Variants in TET1 observed in about 807,000 individuals in gnomAD.
TET1 encodes the protein methylcytosine dioxygenase TET1.
Under a neutral mutation model 148.7 loss-of-function variants are expected in TET1, and 13 were observed. The ratio of observed to expected loss-of-function variants is 0.09; its 90% CI spans 0.06 to 0.14. The LOEUF (loss-of-function observed/expected upper bound fraction) is 0.14. Ranked by LOEUF, TET1 falls within the 10% of genes least tolerant of loss-of-function variation. The probability of loss-of-function intolerance (pLI) is 1.00; values close to 1 mark genes in which losing one functional copy is unlikely to be tolerated. For synonymous variants in TET1, 907 were observed against 937.2 expected (o/e 0.97, Z 0.59); for missense variants, 2,182 against 2,553.8 (o/e 0.85, Z 3.14).
intron 7 of TET1, among the ~76,000 whole-genome samples, chr10:68,669,474 CTTTTTTTTT>C (rs3085667): frequency 1.6e-5 from 1 of 61,604 alleles, no homozygotes; most frequent in African/African-American, 6.3e-5. Context: ...CCATGCCCAG[CTTTTTTTTT>C]TTTTTTTTTG....
Position 68,572,375 on chromosome 10 carries a change from G to A in TET1, c.37G>A (p.Val13Ile), listed in dbSNP as rs745543859. 4.4e-6 allele frequency: 7 copies of A among 1,608,740 alleles called. No homozygotes were observed. The highest frequency in any genetic ancestry group is 5.9e-6 in the Non-Finnish European group (7 of 1,178,792). ...RSRHARPSRL[V>I]RKEDVNKKKK... Reference sequence around the variant, plus strand: ...CCGCCATGCAAGGCCTTCCAGATTAGTCAGGAAGGAAGATGTAAACAAAAA... The same window carrying A: ...CCGCCATGCAAGGCCTTCCAGATTAATCAGGAAGGAAGATGTAAACAAAAA... The change falls in exon 2 of 12, where the codon GTC becomes ATC. Residue 13 changes from valine (V) to isoleucine (I), a missense_variant. Val to Ile is a conservative substitution (Grantham distance 29, BLOSUM62 3). This residue lies in a region of TET1 where 665 missense variants were observed against 672.4 expected (regional missense o/e 0.99). Transcript: ENST00000373644.
intron 6 of TET1, among the ~76,000 whole-genome samples, chr10:68,653,230 A>G (rs1200218983): frequency 1.3e-5 from 2 of 152,098 alleles, no homozygotes; most frequent in Non-Finnish European, 2.9e-5. Context: ...AGCTATGTAC[A>G]CTTCTCCAGA....
chr10:68,613,443 G>A (rs2054245775), intron 3 of TET1, among the ~76,000 whole-genome samples: 1 of 152,172 alleles, frequency 6.6e-6, no homozygotes, highest in African/African-American at 2.4e-5. Context: ...ACTGTCCAAA[G>A]TTCCTAATTA....
chr10:68,652,008 A>T, intron 5 of TET1, 72 bp downstream of exon 5: 1 of 1,354,094 alleles, frequency 7.4e-7, no homozygotes, highest in South Asian at 1.3e-5. Context: ...AATCATCTCT[A>T]AGAACAAACG....
chr10:68,632,576 T>C, intron 3 of TET1: 1 of 1,602,342 alleles, frequency 6.2e-7, no homozygotes. Context: ...TTTATCTTGG[T>C]GACTTTGGGA....
At chr10:68,599,527 G>A (rs1395214502) in intron 2 of TET1, among the ~76,000 whole-genome samples, 1 of 152,232 alleles carries the variant, frequency 6.6e-6, no homozygotes, top group African/African-American at 2.4e-5. Flanking sequence ...GCAGGTGCTA[G>A]CTGTGGTGCC....
intron 3 of TET1, among the ~76,000 whole-genome samples, chr10:68,611,841 TG>T (rs1308776548): frequency 2.0e-3 from 21 of 10,336 alleles, no homozygotes; most frequent in East Asian, 9.4e-3. Context: ...GCTCGGGAGG[TG>T]GGGGGGGTGG....
At chr10:68,635,621 G>A (rs563665842) in intron 3 of TET1, among the ~76,000 whole-genome samples, 1 of 152,262 alleles carries the variant, frequency 6.6e-6, no homozygotes, top group South Asian at 2.1e-4. Context: ...ACCAGAGTTG[G>A]TTATTAACCT....
At chr10:68,607,069 T>C (rs893584375) in intron 3 of TET1, among the ~76,000 whole-genome samples, 1 of 152,036 alleles carries the variant, frequency 6.6e-6, no homozygotes, top group Non-Finnish European at 1.5e-5. Context: ...TCAAGACTCA[T>C]GTCCATTCTG....
chr10:68,651,379 A>G (rs1428254878), intron 4 of TET1, among the ~76,000 whole-genome samples: 1 of 151,894 alleles, frequency 6.6e-6, no homozygotes, highest in Admixed American at 6.6e-5. Flanking sequence ...TGAACCCGGG[A>G]GGCGGAGCTT....
At position 68,693,428 on chromosome 10, in the gene TET1, T is replaced by A; in HGVS notation, c.*1614T>A. The A allele has an allele frequency of 4.3e-6, 1 of 233,344 alleles. No individual in the cohort carries two copies. Among genetic ancestry groups the A allele is most frequent in the Non-Finnish European group, 8.5e-6 (1 of 117,904 alleles). 14.5% of individuals were successfully genotyped at this position (233,344 alleles called of 1,614,324 possible). Reference sequence around the variant, plus strand: ...ACAATTTTGGTGCAAAAGCAAACAGTTCCAGCAGGCTCTCTAAAGAAAAAC... The same window carrying A: ...ACAATTTTGGTGCAAAAGCAAACAGATCCAGCAGGCTCTCTAAAGAAAAAC... On this transcript the variant is annotated 3_prime_UTR_variant, in exon 12 of 12. Coordinates refer to ENST00000373644, the MANE Select transcript of TET1 (RefSeq NM_030625.3).
chr10:68,583,843 G>C (rs916677014), intron 2 of TET1, among the ~76,000 whole-genome samples: 1 of 151,748 alleles, frequency 6.6e-6, no homozygotes, highest in Admixed American at 6.6e-5. Flanking sequence ...CCTGGGAGGC[G>C]GAGGTTGCAG....
chr10:68,668,721 A>G (rs1179402726), intron 7 of TET1, among the ~76,000 whole-genome samples: 2 of 152,214 alleles, frequency 1.3e-5, no homozygotes, highest in Admixed American at 1.3e-4. Flanking sequence ...CTGGGACTAC[A>G]GGCATGCGCT....
rs1352920213 is a variant in TET1, at chr10:68,645,093, C to T, written c.2364C>T (p.Asn788=). ...NIEEFGKTLE[N]NSYKFLKDTA... ...AAGAATTCGGCAAGACATTGGAAAA[C>T]AATTCTTATAAATTCCTAAAAGACA... Residue 788 remains asparagine, a synonymous_variant, in exon 4 of 12, where the codon AAC becomes AAT. Transcript: ENST00000373644. The T allele has an allele frequency of 6.2e-7, 1 of 1,611,718 alleles. No individual in the cohort carries two copies.
At chr10:68,663,652 G>A (rs2055153667) in intron 6 of TET1, among the ~76,000 whole-genome samples, 1 of 152,142 alleles carries the variant, frequency 6.6e-6, no homozygotes, top group South Asian at 2.1e-4. Flanking sequence ...CAAGAAGTTA[G>A]TGAATATAGT....
rs747232190 is a variant in TET1, at chr10:68,572,769, T to G, written c.431T>G (p.Ile144Arg). 3 of 1,614,206 alleles carry G rather than the reference T, an allele frequency of 1.9e-6. No individual in the cohort carries two copies. In the South Asian group the frequency reaches 3.3e-5, roughly 18 times the overall value. Reference protein sequence around the residue: ...LEKQHDCDYKILPALGVKHSE... With the variant: ...LEKQHDCDYKRLPALGVKHSE... ...AAGCAACATGATTGTGATTATAAGA[T>G]ACTCCCTGCTTTGGGAGTAAAGCAC... The change falls in exon 2 of 12, where the codon ATA becomes AGA. Residue 144 changes from isoleucine (I) to arginine (R), a missense_variant. Ile to Arg is a moderately conservative substitution (Grantham distance 97). This residue lies in a region of TET1 where 665 missense variants were observed against 672.4 expected (regional missense o/e 0.99). Transcript: ENST00000373644.
At chr10:68,684,464 A>G (rs2133229638) in intron 10 of TET1, among the ~76,000 whole-genome samples, 3 of 150,272 alleles carry the variant, frequency 2.0e-5, no homozygotes, top group Non-Finnish European at 4.4e-5. Context: ...TGTTGAAGTT[A>G]TATAAATCCA....
At chr10:68,614,459 T>C (rs2054260569) in intron 3 of TET1, among the ~76,000 whole-genome samples, 1 of 152,204 alleles carries the variant, frequency 6.6e-6, no homozygotes, top group South Asian at 2.1e-4. Flanking sequence ...TCAAATTCAC[T>C]GCCCAAGAAA....
At chr10:68,586,616 A>C (rs1372875956) in intron 2 of TET1, among the ~76,000 whole-genome samples, 4 of 148,852 alleles carry the variant, frequency 2.7e-5, no homozygotes, top group Non-Finnish European at 5.9e-5. Flanking sequence ...TACAGGCATG[A>C]GGCACTGTGC....
Sources: allele counts gnomAD v4.1 joint callset (sites outside exome capture counted in the v4.1 genomes callset), GRCh38; gene constraint gnomAD v4.1.1; regional missense constraint gnomAD v4.1.1; transcripts MANE v1.5; gene names NCBI Gene and HGNC (gene_info 2026-07-23, HGNC 2026-07-21).